PTPRD: variants seen among roughly 807,000 people sequenced by gnomAD.
PTPRD encodes protein tyrosine phosphatase receptor type D.
A neutral mutation model predicts 214.5 loss-of-function variants in PTPRD; 34 were observed. The ratio of observed to expected loss-of-function variants is 0.16; its 90% CI spans 0.12 to 0.21. The LOEUF is 0.21. Ranked by LOEUF, PTPRD falls within the 10% of genes least tolerant of loss-of-function variation. The pLI, the probability that PTPRD is intolerant of heterozygous loss-of-function variation, is 1.00. For missense variants in PTPRD, 2,545 were observed against 2,398.7 expected, an observed-to-expected ratio of 1.06 and a Z score of -1.27; for synonymous variants, 1,128 against 845.7, an observed-to-expected ratio of 1.33 and a Z score of -5.79.
At position 10,250,417 on chromosome 9, in the gene PTPRD, C is replaced by T. The variant is rs570627895; in HGVS notation, c.-545+90546G>A. 1.2e-3 allele frequency among the ~76,000 whole-genome samples: 176 copies of T among 152,134 alleles called. 1 individual carries two copies. Among genetic ancestry groups the T allele is most frequent in the African/African-American group, 3.8e-3 (157 of 41,562 alleles). The stretch of plus-strand genomic sequence containing the variant: ...GACAAGATGTACTGGAACCAAATTT[C>T]GCAATGTCAGAAAGCCTAGAAAGTC... On this transcript the variant is annotated intron_variant, in intron 3 of 45. Coordinates refer to ENST00000381196, the MANE Select transcript of PTPRD (RefSeq NM_002839.4).
chr9:9,803,597 A>G (rs1199832341), intron 5 of PTPRD: 1 of 151,938 alleles, frequency 6.6e-6, no homozygotes, highest in Non-Finnish European at 1.5e-5. Context: ...TGACAAATAA[A>G]TATAATTGTA....
chr9:8,886,145 A>G (rs1440904867), intron 11 of PTPRD, among the ~76,000 whole-genome samples: 1 of 152,218 alleles, frequency 6.6e-6, no homozygotes, highest in Non-Finnish European at 1.5e-5. Flanking sequence ...ACTTAAGTCC[A>G]GCTGATTTGT....
intron 39 of PTPRD, among the ~76,000 whole-genome samples, chr9:8,358,240 A>G (rs1285479222): frequency 6.6e-6 from 1 of 152,196 alleles, no homozygotes; most frequent in African/African-American, 2.4e-5. Context: ...TGGCTCATGG[A>G]ATTAAAGACT....
At chr9:8,617,587 G>A (rs926261469) in intron 14 of PTPRD, among the ~76,000 whole-genome samples, 5 of 151,890 alleles carry the variant, frequency 3.3e-5, no homozygotes, top group African/African-American at 1.2e-4. Context: ...CTAAGTACTG[G>A]GATAAGCAAT....
chr9:9,934,083 G>T (rs1330168284), intron 5 of PTPRD, among the ~76,000 whole-genome samples: 4 of 149,892 alleles, frequency 2.7e-5, no homozygotes, highest in Admixed American at 1.3e-4. Context: ...AAAGCAGTGT[G>T]TAGAGGGAAA....
intron 5 of PTPRD, among the ~76,000 whole-genome samples, chr9:9,859,222 G>A (rs1290523914): frequency 6.6e-6 from 1 of 152,182 alleles, no homozygotes; most frequent in Admixed American, 6.5e-5. Context: ...CCCCAGCCAT[G>A]TAGAACTAGA....
chr9:8,518,569 T>C (rs982430310), intron 20 of PTPRD, 140 bp from the exon 21 acceptor site: 43 of 655,618 alleles, frequency 6.6e-5, no homozygotes, highest in Non-Finnish European at 9.5e-5. Context: ...AAAGAGTAGT[T>C]TTCTGAATGG....
intron 2 of PTPRD, among the ~76,000 whole-genome samples, chr9:10,369,694 AC>A (rs2097575924): frequency 6.6e-6 from 1 of 152,052 alleles, no homozygotes; most frequent in African/African-American, 2.4e-5. Flanking sequence ...CTTTTTCTAT[AC>A]ACTGAATATT....
At chr9:8,715,907 G>T (rs927835193) in intron 12 of PTPRD, among the ~76,000 whole-genome samples, 2 of 152,212 alleles carry the variant, frequency 1.3e-5, no homozygotes, top group East Asian at 1.9e-4. Flanking sequence ...AGACATTACA[G>T]TATGAGTAAA....
chr9:8,340,476 TAC>T lies in PTPRD; in HGVS notation c.5127-9_5127-8del. The T allele has an allele frequency of 5.1e-6, 8 of 1,571,728 alleles. No individual in the cohort carries two copies. The highest frequency in any genetic ancestry group is 7.0e-6 in the Non-Finnish European group (8 of 1,149,638). The stretch of plus-strand genomic sequence containing the variant: ...GATGTAGGCTTTCTGTTGTCTGAAT[TAC>T]AGAGAATGAAAAGAATGTGTTAAAG... On this transcript the variant is annotated splice_polypyrimidine_tract_variant and splice_region_variant and intron_variant, in intron 41 of 45. Coordinates refer to ENST00000381196, the MANE Select transcript of PTPRD (RefSeq NM_002839.4).
chr9:8,520,050 T>C (rs561791998), intron 20 of PTPRD, among the ~76,000 whole-genome samples: 1 of 152,196 alleles, frequency 6.6e-6, no homozygotes, highest in Non-Finnish European at 1.5e-5. Context: ...TATTCTGACC[T>C]GGCATTTTTC....
chr9:9,502,703 T>A (rs2096458412), intron 8 of PTPRD, among the ~76,000 whole-genome samples: 1 of 151,822 alleles, frequency 6.6e-6, no homozygotes, highest in Non-Finnish European at 1.5e-5. Context: ...AACTGCAGAA[T>A]GATGATTAAA....
intron 19 of PTPRD, among the ~76,000 whole-genome samples, chr9:8,522,622 A>G (rs1192110060): frequency 6.6e-6 from 1 of 152,186 alleles, no homozygotes; most frequent in African/African-American, 2.4e-5. Context: ...GCAACATAAC[A>G]CAGAAAAATT....
At chr9:9,219,880 T>C (rs762806749) in intron 9 of PTPRD, among the ~76,000 whole-genome samples, 3 of 152,186 alleles carry the variant, frequency 2.0e-5, no homozygotes, top group African/African-American at 4.8e-5. Flanking sequence ...CAGCAAAACA[T>C]TGGGACTATG....
At chr9:9,863,725 AAGAC>A (rs1451881997) in intron 5 of PTPRD, among the ~76,000 whole-genome samples, 1 of 152,154 alleles carries the variant, frequency 6.6e-6, no homozygotes, top group African/African-American at 2.4e-5. Context: ...AAAGAGACAT[AAGAC>A]AGAATTGTCC....
chr9:10,467,568 A>T (rs892609312), intron 2 of PTPRD, among the ~76,000 whole-genome samples: 1 of 152,184 alleles, frequency 6.6e-6, no homozygotes, highest in African/African-American at 2.4e-5. Context: ...CAAAATTTTT[A>T]AATATATAAA....
Position 10,576,135 on chromosome 9 carries a change from A to C in PTPRD, c.-600+36263T>G, listed in dbSNP as rs555293350. The stretch of plus-strand genomic sequence containing the variant: ...TCCCTTGCCTATGAATCACTTGGGA[A>C]GCTAAAATGCATTTTAACATTGCAT... On this transcript the variant is annotated intron_variant, in intron 2 of 45. Coordinates refer to ENST00000381196, the MANE Select transcript of PTPRD (RefSeq NM_002839.4). Among the ~76,000 whole-genome samples the C allele has an allele frequency of 3.3e-5, 5 of 152,334 alleles. No homozygotes were observed. The South Asian group carries it at 1.0e-3, about 32-fold the overall frequency.
At chr9:10,366,777 T>C (rs1322897436) in intron 2 of PTPRD, among the ~76,000 whole-genome samples, 1 of 152,172 alleles carries the variant, frequency 6.6e-6, no homozygotes, top group Admixed American at 6.6e-5. Context: ...CTCCATGTTT[T>C]GATGCCACAT....
chr9:10,036,288 T>C (rs980852501), intron 3 of PTPRD, among the ~76,000 whole-genome samples: 1 of 152,134 alleles, frequency 6.6e-6, no homozygotes, highest in African/African-American at 2.4e-5. Context: ...GGTAGATTGT[T>C]GACAGGTAAA....
Sources: gnomAD v4.1 joint callset for allele counts (sites outside exome capture counted in the v4.1 genomes callset) on GRCh38, gnomAD v4.1.1 for gene constraint, MANE v1.5 for transcripts, NCBI Gene and HGNC (gene_info 2026-07-23, HGNC 2026-07-21) for gene names.